KLHL1: variants seen among roughly 807,000 people sequenced by gnomAD.
The protein encoded by KLHL1 is kelch like family member 1, also known as kelch-like protein 1.
A neutral mutation model predicts 77.7 loss-of-function variants in KLHL1; 47 were observed. The observed-to-expected ratio is 0.60, with a 90% confidence interval of 0.48 to 0.77. KLHL1 has a LOEUF of 0.77. Among genes scored for constraint, KLHL1 ranks in the 30% least tolerant of loss-of-function variants. The pLI, the probability that KLHL1 is intolerant of heterozygous loss-of-function variation, is 0.00. For missense variants in KLHL1, 925 were observed against 910.8 expected (o/e 1.02, Z -0.20); for synonymous variants, 360 against 325.2 (o/e 1.11, Z -1.15).
intron 4 of KLHL1, among the ~76,000 whole-genome samples, chr13:69,914,681 ATTATT>A (rs1352897776): frequency 6.6e-6 from 1 of 152,182 alleles, no homozygotes; most frequent in Non-Finnish European, 1.5e-5. Context: ...GCTTTAGCTT[ATTATT>A]TTGTTTACTG....
chr13:70,086,591 AAAGAAAGAAAGAAAGAAAGAAAGAAAG>A (rs1308768268), intron 1 of KLHL1, among the ~76,000 whole-genome samples: 11 of 32,412 alleles, frequency 3.4e-4, no homozygotes, highest in Non-Finnish European at 2.5e-4. Context: ...AAAAAAAAAA[AAAGAAAGAAAGAAAGAAAGAAAGAAAG>A]AAAGAAAGAA....
intron 6 of KLHL1, among the ~76,000 whole-genome samples, chr13:69,822,136 T>C (rs1278963573): frequency 2.2e-5 from 3 of 135,130 alleles, no homozygotes; most frequent in Admixed American, 2.2e-4. Context: ...GAGGCGGAGG[T>C]TGCAGTGAGC....
chr13:69,783,976 A>C (rs1429646873), intron 7 of KLHL1, among the ~76,000 whole-genome samples: 2 of 152,346 alleles, frequency 1.3e-5, no homozygotes, highest in East Asian at 3.9e-4. Flanking sequence ...TCAGACTAAC[A>C]GCTGATCTCT....
At chr13:70,059,157 CT>C (rs58877477) in intron 1 of KLHL1, among the ~76,000 whole-genome samples, 4,700 of 139,256 alleles carry the variant, frequency 0.034, 115 homozygotes, top group African/African-American at 0.074. Context: ...AATATTTCTT[CT>C]TTTTTTTTTT....
chr13:70,093,723 G>A (rs188359988), intron 1 of KLHL1, among the ~76,000 whole-genome samples: 1 of 151,908 alleles, frequency 6.6e-6, no homozygotes, highest in Non-Finnish European at 1.5e-5. Flanking sequence ...TTTTCTCATG[G>A]TATTTTGAAC....
At chr13:70,043,179 C>T (rs1314457582) in intron 1 of KLHL1, among the ~76,000 whole-genome samples, 2 of 151,714 alleles carry the variant, frequency 1.3e-5, no homozygotes, top group Non-Finnish European at 2.9e-5. Flanking sequence ...GCTGGGATTA[C>T]AGACATGAGC....
intron 3 of KLHL1, among the ~76,000 whole-genome samples, chr13:69,959,453 T>C (rs1426325774): frequency 6.6e-6 from 1 of 151,870 alleles, no homozygotes; most frequent in African/African-American, 2.4e-5. Context: ...TGTATGCAAA[T>C]TGAAATTGAC....
intron 1 of KLHL1, among the ~76,000 whole-genome samples, chr13:70,082,354 CACACACACACACACA>C (rs1316646415): frequency 4.8e-4 from 71 of 146,790 alleles, no homozygotes; most frequent in African/African-American, 1.7e-3. Context: ...CACACACACA[CACACACACACACACA>C]AAGGAACCAT....
At chr13:70,073,450 C>T (rs1037233467) in intron 1 of KLHL1, among the ~76,000 whole-genome samples, 3 of 151,932 alleles carry the variant, frequency 2.0e-5, no homozygotes, top group East Asian at 3.9e-4. Context: ...GGAGATATAC[C>T]TAATGTAAAT....
At chr13:70,002,222 C>G (rs984514169) in intron 1 of KLHL1, among the ~76,000 whole-genome samples, 1 of 151,356 alleles carries the variant, frequency 6.6e-6, no homozygotes, top group Non-Finnish European at 1.5e-5. Context: ...GAAAATATAA[C>G]AATATTTTTA....
intron 4 of KLHL1, among the ~76,000 whole-genome samples, chr13:69,910,301 G>A (rs967258473): frequency 3.9e-5 from 6 of 152,170 alleles, no homozygotes; most frequent in Non-Finnish European, 8.8e-5. Flanking sequence ...TGTTGTTGAA[G>A]TCATTACAAA....
intron 6 of KLHL1, among the ~76,000 whole-genome samples, chr13:69,828,186 C>T (rs1878620974): frequency 1.3e-5 from 2 of 149,834 alleles, no homozygotes; most frequent in South Asian, 4.2e-4. Flanking sequence ...CAGCACACTC[C>T]ATGAACAGCT....
At chr13:69,734,366 G>A (rs903664358) in intron 8 of KLHL1, among the ~76,000 whole-genome samples, 7 of 152,096 alleles carry the variant, frequency 4.6e-5, no homozygotes, top group Admixed American at 3.9e-4. Flanking sequence ...GCCAAGTAAA[G>A]CTTTTTCTTT....
At position 70,106,597 on chromosome 13, in the gene KLHL1, G is replaced by C. The variant is rs74093253; in HGVS notation, c.497+606C>G. ...GGACTCCACGACAGTTTAACTCAAAGACTTACTCTGAACAAGGCAAGAGTG... is the reference window on the plus strand; with the variant it reads ...GGACTCCACGACAGTTTAACTCAAACACTTACTCTGAACAAGGCAAGAGTG... On this transcript the variant is annotated intron_variant, in intron 1 of 10. Transcript: ENST00000377844. Among the ~76,000 whole-genome samples the C allele has an allele frequency of 5.4e-3, 820 of 152,274 alleles. 7 individuals are homozygous for C. The highest frequency in any genetic ancestry group is 0.019 in the African/African-American group (781 of 41,554).
intron 1 of KLHL1, among the ~76,000 whole-genome samples, chr13:70,019,002 TTAAA>T (rs569101486): frequency 1.4e-3 from 216 of 152,356 alleles, no homozygotes; most frequent in African/African-American, 5.0e-3. Context: ...ACATTTCAAA[TTAAA>T]TACTCACTGT....
chr13:70,021,721 A>G (rs1265927265), intron 1 of KLHL1, among the ~76,000 whole-genome samples: 2 of 152,032 alleles, frequency 1.3e-5, no homozygotes, highest in East Asian at 3.9e-4. Flanking sequence ...GTGAAGCCCC[A>G]AAGACTCTTC....
chr13:69,832,903 C>T (rs1373709977), intron 6 of KLHL1, among the ~76,000 whole-genome samples: 4 of 151,860 alleles, frequency 2.6e-5, no homozygotes, highest in African/African-American at 4.8e-5. Flanking sequence ...TGGCAAGCCA[C>T]ATGGCAAAAA....
chr13:70,071,247 C>T (rs1376720945), intron 1 of KLHL1, among the ~76,000 whole-genome samples: 1 of 151,826 alleles, frequency 6.6e-6, no homozygotes, highest in Non-Finnish European at 1.5e-5. Flanking sequence ...ACTAAACAGA[C>T]TTAAAAATTA....
intron 1 of KLHL1, among the ~76,000 whole-genome samples, chr13:70,027,384 T>A (rs1332902046): frequency 2.2e-5 from 1 of 46,252 alleles, no homozygotes; most frequent in African/African-American, 4.4e-5. Flanking sequence ...TGAAAGTGAA[T>A]GTTGTTTTTT....
Sources: allele counts gnomAD v4.1 joint callset (sites outside exome capture counted in the v4.1 genomes callset), GRCh38; gene constraint gnomAD v4.1.1; transcripts MANE v1.5; gene names NCBI Gene and HGNC (gene_info 2026-07-23, HGNC 2026-07-21).